Variants in SLC9A9 observed in about 807,000 individuals in gnomAD.
The protein encoded by SLC9A9 is solute carrier family 9 member A9.
A neutral mutation model predicts 77.8 loss-of-function variants in SLC9A9; 62 were observed. The ratio of observed to expected loss-of-function variants is 0.80; its 90% CI spans 0.65 to 0.98. The LOEUF is 0.98. Ranked by LOEUF, SLC9A9 falls within the 50% of genes least tolerant of loss-of-function variation. The probability of loss-of-function intolerance (pLI) is 0.00; values close to 1 mark genes in which losing one functional copy is unlikely to be tolerated. For missense variants in SLC9A9, 775 were observed against 774.9 expected (o/e 1.00, Z 0.00); for synonymous variants, 320 against 283.5 (o/e 1.13, Z -1.29).
At chr3:143,672,416 T>C (rs1262533662) in intron 5 of SLC9A9, among the ~76,000 whole-genome samples, 2 of 152,056 alleles carry the variant, frequency 1.3e-5, no homozygotes, top group African/African-American at 4.8e-5. Flanking sequence ...AACACAACAG[T>C]GATTAGAGAG....
chr3:143,279,824 GT>G (rs1938163011), intron 14 of SLC9A9, among the ~76,000 whole-genome samples: 1 of 152,038 alleles, frequency 6.6e-6, no homozygotes, highest in Admixed American at 6.6e-5. Flanking sequence ...AGCAGCCTTT[GT>G]TTTTATTTAA....
At chr3:143,761,480 T>A (rs1430842794) in intron 4 of SLC9A9, among the ~76,000 whole-genome samples, 1 of 151,946 alleles carries the variant, frequency 6.6e-6, no homozygotes, top group Non-Finnish European at 1.5e-5. Flanking sequence ...TACAATGAAC[T>A]CAAACAAATT....
chr3:143,598,826 G>A (rs1212933646), intron 6 of SLC9A9, among the ~76,000 whole-genome samples: 1 of 152,234 alleles, frequency 6.6e-6, no homozygotes, highest in Non-Finnish European at 1.5e-5. Flanking sequence ...GGTTTTCTCT[G>A]TGTGTGGTCT....
At chr3:143,461,281 G>A (rs939541751) in intron 12 of SLC9A9, among the ~76,000 whole-genome samples, 17 of 152,146 alleles carry the variant, frequency 1.1e-4, no homozygotes, top group Non-Finnish European at 2.1e-4. Context: ...AGAAATAGGA[G>A]TTGCCTGTAA....
At chr3:143,440,406 G>A (rs2034710202) in intron 12 of SLC9A9, among the ~76,000 whole-genome samples, 1 of 152,186 alleles carries the variant, frequency 6.6e-6, no homozygotes, top group Non-Finnish European at 1.5e-5. Context: ...AATGAGGAGA[G>A]TCGGGGTTAC....
chr3:143,350,637 T>A (rs919632013), intron 14 of SLC9A9, among the ~76,000 whole-genome samples: 5 of 152,224 alleles, frequency 3.3e-5, no homozygotes, highest in Non-Finnish European at 7.3e-5. Flanking sequence ...TTTTCTAGTG[T>A]TCAAAGTGGT....
chr3:143,565,322 C>T (rs1229917623), intron 8 of SLC9A9, among the ~76,000 whole-genome samples: 1 of 152,144 alleles, frequency 6.6e-6, no homozygotes, highest in African/African-American at 2.4e-5. Flanking sequence ...TTATTTGTGC[C>T]ATCTTCTGAC....
chr3:143,273,149 G>A (rs1937943834), intron 14 of SLC9A9, among the ~76,000 whole-genome samples: 1 of 152,200 alleles, frequency 6.6e-6, no homozygotes, highest in South Asian at 2.1e-4. Context: ...TAAGCCTATG[G>A]CTTGTATGAT....
chr3:143,527,288 C>T (rs1288092284), intron 9 of SLC9A9, among the ~76,000 whole-genome samples: 1 of 152,182 alleles, frequency 6.6e-6, no homozygotes, highest in African/African-American at 2.4e-5. Flanking sequence ...TTTAACTGAA[C>T]ACATCAGTCA....
chr3:143,445,989 A>G (rs1214670801), intron 12 of SLC9A9, among the ~76,000 whole-genome samples: 1 of 152,118 alleles, frequency 6.6e-6, no homozygotes, highest in Non-Finnish European at 1.5e-5. Flanking sequence ...GTGAGAAGAA[A>G]GGATTGGTAG....
intron 12 of SLC9A9, among the ~76,000 whole-genome samples, chr3:143,434,992 C>T (rs569394929): frequency 1.2e-4 from 18 of 152,290 alleles, no homozygotes; most frequent in African/African-American, 3.9e-4. Flanking sequence ...GCAGCCCAGG[C>T]CCTGATTTCT....
chr3:143,669,481 A>G (rs556329084), intron 5 of SLC9A9, among the ~76,000 whole-genome samples: 2 of 152,338 alleles, frequency 1.3e-5, no homozygotes, highest in South Asian at 4.1e-4. Context: ...TCGAAATTTC[A>G]TCTTCAGAAC....
chr3:143,776,302 T>C (rs2007689931), intron 4 of SLC9A9, among the ~76,000 whole-genome samples: 1 of 152,184 alleles, frequency 6.6e-6, no homozygotes, highest in South Asian at 2.1e-4. Flanking sequence ...ACTCTTAAAC[T>C]TTGGGCCAAC....
rs143360011 is a variant in SLC9A9, at chr3:143,326,234, A to C, written c.1604+37250T>G. 6.7e-3 allele frequency among the ~76,000 whole-genome samples: 1,022 copies of C among 152,244 alleles called. 6 individuals are homozygous for C. Among genetic ancestry groups the C allele is most frequent in the African/African-American group, 0.024 (976 of 41,530 alleles). ...CTCTTGCCTAATACAACAGCCTGCT[A>C]AGTGGTCTCCCAGACACTACACTTG... On this transcript the variant is annotated intron_variant, in intron 14 of 15. Transcript: ENST00000316549.
At chr3:143,549,272 C>T (rs1281703647) in intron 9 of SLC9A9, among the ~76,000 whole-genome samples, 1 of 152,192 alleles carries the variant, frequency 6.6e-6, no homozygotes, top group Non-Finnish European at 1.5e-5. Flanking sequence ...CCTCTGACTG[C>T]ACTCTTTCAA....
chr3:143,764,945 C>T lies in SLC9A9; in HGVS notation c.533+30056G>A, dbSNP rs1261608777. On this transcript the variant is annotated intron_variant, in intron 4 of 15. Coordinates refer to ENST00000316549, the MANE Select transcript of SLC9A9 (RefSeq NM_173653.4). ...AAACCAGGAAACATTTTTCTTTCTT[C>T]CTTCCTTCCTTTTTGTTTCTCTTTC... Among the ~76,000 whole-genome samples the T allele has an allele frequency of 2.7e-5, 4 of 148,836 alleles. No homozygotes were observed. The East Asian group carries it at 7.8e-4, about 29-fold the overall frequency.
chr3:143,299,258 T>C (rs893859571), intron 14 of SLC9A9, among the ~76,000 whole-genome samples: 3 of 152,132 alleles, frequency 2.0e-5, no homozygotes, highest in Admixed American at 1.3e-4. Context: ...AAAACCAGCA[T>C]GTAAATTTCA....
intron 1 of SLC9A9, among the ~76,000 whole-genome samples, chr3:143,843,281 C>A (rs189621969): frequency 6.6e-6 from 1 of 152,066 alleles, no homozygotes; most frequent in Non-Finnish European, 1.5e-5. Context: ...TGTCCAACAA[C>A]CCAATTTAAT....
intron 12 of SLC9A9, among the ~76,000 whole-genome samples, chr3:143,425,264 CTT>C (rs200568656): frequency 0.49 from 48,112 of 98,822 alleles, 10,986 homozygotes; most frequent in East Asian, 0.55. Context: ...TGAGGCTTAG[CTT>C]TTTTTTTTTT....
Sources: allele counts gnomAD v4.1 joint callset (sites outside exome capture counted in the v4.1 genomes callset), GRCh38; gene constraint gnomAD v4.1.1; transcripts MANE v1.5; gene names NCBI Gene and HGNC (gene_info 2026-07-23, HGNC 2026-07-21).